The following P3H4 variants were observed in gnomAD, a reference collection of about 807,000 sequenced individuals.
P3H4 encodes the protein endoplasmic reticulum protein SC65.
Under a neutral mutation model 52.9 loss-of-function variants are expected in P3H4, and 47 were observed. The observed-to-expected ratio is 0.89, with a 90% CI of 0.70 to 1.13. P3H4 has a LOEUF of 1.13. Among genes scored for constraint, P3H4 ranks in the 50% most tolerant of loss-of-function variants. The pLI is 0.00. For synonymous variants in P3H4, 256 were observed against 267.9 expected, an observed-to-expected ratio of 0.96 and a Z score of 0.44; for missense variants, 585 against 611.0, an observed-to-expected ratio of 0.96 and a Z score of 0.45.
At chr17:41,808,085 C>A in intron 4 of P3H4, 81 bp from the exon 5 acceptor site, 1 of 1,512,068 alleles carries the variant, frequency 6.6e-7, no homozygotes, top group East Asian at 2.4e-5. Flanking sequence ...GTCCAGCACC[C>A]CTGCTACCCA....
rs782478528 is a variant in P3H4 at position 41,811,791 on chromosome 17, T to G, written c.125A>C (p.His42Pro). 1.3e-6 allele frequency: 2 copies of G among 1,536,126 alleles called. No individual in the cohort carries two copies. Among genetic ancestry groups the G allele is most frequent in the Non-Finnish European group, 1.7e-6 (2 of 1,153,030 alleles). The stretch of plus-strand genomic sequence containing the variant: ...CTCTCCCTCGTACTGCTCCAGAGCG[T>G]GCCCGTACGCCGCGGCCAGCGGCAT... The part of the protein sequence containing the change: ...DLMPLAAAYG[H>P]ALEQYEGESW... The change falls in exon 1 of 8, where the codon CAC becomes CCC. Residue 42 changes from histidine to proline, a missense_variant. Coordinates refer to ENST00000393928, the MANE Select transcript of P3H4 (RefSeq NM_006455.3). The surrounding 1 kb of genome is among the most constrained non-coding windows in gnomAD (Gnocchi z 4.8).
Position 41,803,343 on chromosome 17 carries a change from C to A in P3H4, c.1235G>T (p.Gly412Val). 1 of 1,614,126 alleles carries A rather than the reference C, an allele frequency of 6.2e-7. No homozygotes were observed. Among genetic ancestry groups the A allele is most frequent in the Non-Finnish European group, 8.5e-7 (1 of 1,180,002 alleles). ...EFEGEGDYEE[G>V]MYADWWQEPD... ...CTCCTGCCACCAGTCAGCATACATG[C>A]CCTCCTCGTAGTCACCCTCCCCCTC... Residue 412 changes from glycine to valine, a missense_variant, in exon 7 of 8, where the codon GGC (glycine) becomes GTC (valine). By Grantham distance (109) the Gly-to-Val change is moderately radical. Transcript: ENST00000393928.
At chr17:41,804,015 G>A (rs1374558198) in intron 6 of P3H4, among the ~76,000 whole-genome samples, 1 of 148,892 alleles carries the variant, frequency 6.7e-6, no homozygotes, top group Non-Finnish European at 1.5e-5. Context: ...GCAGTGGCAT[G>A]ATCTCGGCTC....
chr17:41,811,792 G>A lies in P3H4; in HGVS notation c.124C>T (p.His42Tyr). ...TCTCCCTCGTACTGCTCCAGAGCGT[G>A]CCCGTACGCCGCGGCCAGCGGCATC... ...DLMPLAAAYGHALEQYEGESW... is the reference protein window; with the variant it reads ...DLMPLAAAYGYALEQYEGESW... Residue 42 changes from histidine to tyrosine, a missense_variant, in exon 1 of 8, where the codon CAC (histidine) becomes TAC (tyrosine). By Grantham distance (83) the His-to-Tyr change is moderately conservative (BLOSUM62 2). Coordinates refer to ENST00000393928, the MANE Select transcript of P3H4 (RefSeq NM_006455.3). The surrounding 1 kb of genome is among the most constrained non-coding windows in gnomAD (Gnocchi z 4.8). The A allele has an allele frequency of 1.3e-6, 2 of 1,535,570 alleles. No homozygotes were observed. The highest frequency in any genetic ancestry group is 1.7e-6 in the Non-Finnish European group (2 of 1,152,702).
rs557056715 is a variant in P3H4, at chr17:41,811,260, C to T, written c.487G>A (p.Ala163Thr). 9.3e-6 allele frequency: 15 copies of T among 1,613,594 alleles called. No individual in the cohort carries two copies. In the African/African-American group the frequency reaches 1.5e-4, roughly 16 times the overall value. Residue 163 changes from alanine to threonine, a missense_variant, in exon 2 of 8, where the codon GCG becomes ACG. Coordinates refer to ENST00000393928, the MANE Select transcript of P3H4 (RefSeq NM_006455.3). The surrounding 1 kb of genome is among the most constrained non-coding windows in gnomAD (Gnocchi z 4.8). The part of the protein sequence containing the change: ...FKANRLEKAV[A>T]AAYTFLQRNP... ...CTCTGGAGGAAGGTGTAGGCCGCCG[C>T]CACCGCCTTCTCCAGCCGGTTAGCC...
rs2047731041 is a variant in P3H4, at chr17:41,811,237, C to G, written c.510G>C (p.Gln170His). The change falls in exon 2 of 8, where the codon CAG (glutamine) becomes CAC (histidine). Residue 170 changes from glutamine to histidine, a missense_variant. Transcript: ENST00000393928. The surrounding 1 kb of genome is among the most constrained non-coding windows in gnomAD (Gnocchi z 4.8). Reference sequence around the variant, plus strand: ...CGGTCAGCTCGTGCTTCGGGTTCCTCTGGAGGAAGGTGTAGGCCGCCGCCA... The same window carrying G: ...CGGTCAGCTCGTGCTTCGGGTTCCTGTGGAGGAAGGTGTAGGCCGCCGCCA... ...KAVAAAYTFL[Q>H]RNPKHELTAK... 1 of 1,613,882 alleles carries G rather than the reference C, an allele frequency of 6.2e-7. No homozygotes were observed. Among genetic ancestry groups the G allele is most frequent in the Non-Finnish European group, 8.5e-7 (1 of 1,180,036 alleles).
In P3H4 at chr17:41,809,738, ATGG is replaced by A. The variant is rs781982319; in HGVS notation, c.881_883del (p.Thr294del). 1.9e-6 allele frequency: 3 copies of A among 1,613,734 alleles called. No individual in the cohort carries two copies. Among genetic ancestry groups the A allele is most frequent in the Non-Finnish European group, 2.5e-6 (3 of 1,179,966 alleles). The stretch of plus-strand genomic sequence containing the variant: ...GTAGGCAAACTGCAGGTAGTGGTAC[ATGG>A]TGGCCACGAACTTGTCCACGAAGTA... On this transcript the variant is annotated inframe_deletion, in exon 4 of 8. Coordinates refer to ENST00000393928, the MANE Select transcript of P3H4 (RefSeq NM_006455.3).
At chr17:41,809,893 A>C (rs1382780110) in intron 3 of P3H4, 59 bp from the exon 4 acceptor site, 86 of 1,574,980 alleles carry the variant, frequency 5.5e-5, no homozygotes, top group Non-Finnish European at 2.6e-6. Context: ...CCGTCCCCCC[A>C]GTGGAGAAGA....
At chr17:41,810,816 G>A (rs1555614873) in intron 3 of P3H4, 47 bp downstream of exon 3, 3 of 1,575,594 alleles carry the variant, frequency 1.9e-6, no homozygotes, top group Admixed American at 1.8e-5. Flanking sequence ...GCCTTACCGG[G>A]CCCTGTGGGT....
rs1243082369 is a variant in P3H4 at position 41,811,162 on chromosome 17, G to A, written c.585C>T (p.Ser195=). ...YQGMLDVADE[S]LTDLEAQPYE... ...AGGGCTGGGCCTCTAGGTCCGTGAG[G>A]GACTCGTCGGCGACGTCCAGCATCC... The change falls in exon 2 of 8, where the codon TCC becomes TCT. Residue 195 remains serine (S), a synonymous_variant. Transcript: ENST00000393928. The surrounding 1 kb of genome is among the most constrained non-coding windows in gnomAD (Gnocchi z 4.8). 6 of 1,614,184 alleles carry A rather than the reference G, an allele frequency of 3.7e-6. No homozygotes were observed. The East Asian group carries it at 1.1e-4, about 30-fold the overall frequency.
intron 7 of P3H4, 72 bp from the exon 8 acceptor site, chr17:41,803,051 G>C: frequency 6.4e-7 from 1 of 1,560,664 alleles, no homozygotes; most frequent in Admixed American, 2.0e-5. Context: ...GTGCTGTCCT[G>C]ATGGGAGGTG....
Position 41,802,866 on chromosome 17 carries a change from A to G in P3H4, c.*91T>C. ...CGCACCTGGCCCATCTTAAGTTTTT[A>G]ATAAATAGTTCTTGCTGCTGCCCAG... On this transcript the variant is annotated 3_prime_UTR_variant, in exon 8 of 8. Coordinates refer to ENST00000393928, the MANE Select transcript of P3H4 (RefSeq NM_006455.3). 7.1e-7 allele frequency: 1 copy of G among 1,400,186 alleles called. No homozygotes were observed. Among genetic ancestry groups the G allele is most frequent in the Non-Finnish European group, 1.0e-6 (1 of 1,000,576 alleles). The allele number at this position is 1,400,186 out of a possible 1,614,324, so 86.7% of individuals were successfully genotyped here. A position where few individuals can be genotyped will look rare whatever the true frequency, so the allele number is the denominator to read the frequency against.
intron 6 of P3H4, 38 bp downstream of exon 6, chr17:41,806,758 C>T (rs2047677950): frequency 6.4e-7 from 1 of 1,566,694 alleles, no homozygotes; most frequent in African/African-American, 1.4e-5. Context: ...CAAGGTGTCC[C>T]CATCACAGCC....
chr17:41,807,902 C>T lies in P3H4; in HGVS notation c.1019G>A (p.Arg340Gln), dbSNP rs200738812. 1.2e-5 allele frequency: 20 copies of T among 1,614,110 alleles called. No homozygotes were observed. The East Asian group carries it at 1.8e-4, about 14-fold the overall frequency. ...QQNLVYYRFHRARWGLEEEDF... is the reference protein window; with the variant it reads ...QQNLVYYRFHQARWGLEEEDF... ...CTCCTCTTCCAGGCCCCAGCGAGCC[C>T]GGTGGAACCGGTAATACACCAGGTT... The change falls in exon 5 of 8, where the codon CGG becomes CAG. Residue 340 changes from arginine to glutamine, a missense_variant. Physicochemically the swap from Arg to Gln is conservative, Grantham distance 43 (BLOSUM62 1). Transcript: ENST00000393928.
intron 3 of P3H4, 85 bp downstream of exon 3, chr17:41,810,778 G>A (rs1597898688): frequency 2.0e-6 from 3 of 1,489,260 alleles, no homozygotes; most frequent in African/African-American, 1.4e-5. Flanking sequence ...CGCATTCGCA[G>A]TGCTCCACGT....
chr17:41,804,571 T>G (rs1394889701), intron 6 of P3H4, among the ~76,000 whole-genome samples: 1 of 152,010 alleles, frequency 6.6e-6, no homozygotes, highest in African/African-American at 2.4e-5. Flanking sequence ...GAAGTTGCAA[T>G]GAGCTGAGAC....
intron 3 of P3H4, 169 bp downstream of exon 3, chr17:41,810,694 G>A (rs574487909): frequency 1.4e-6 from 1 of 735,550 alleles, no homozygotes; most frequent in Admixed American, 2.9e-5. Flanking sequence ...CCAGCCCCTT[G>A]GACACTCCCA....
intron 4 of P3H4, among the ~76,000 whole-genome samples, chr17:41,808,537 G>A (rs144873553): frequency 2.7e-3 from 414 of 152,026 alleles, no homozygotes; most frequent in Non-Finnish European, 4.8e-3. Flanking sequence ...ACAGGCACGC[G>A]CCACCATGCC....
In P3H4 at chr17:41,811,900, A is replaced by C; in HGVS notation, c.16T>G (p.Trp6Gly). 6 of 1,510,454 alleles carry C rather than the reference A, an allele frequency of 4.0e-6. No homozygotes were observed. The highest frequency in any genetic ancestry group is 4.4e-6 in the Non-Finnish European group (5 of 1,138,742). 93.6% of individuals were successfully genotyped at this position (1,510,454 alleles called of 1,614,324 possible). The change falls in exon 1 of 8, where the codon TGG becomes GGG. Residue 6 changes from tryptophan to glycine, a missense_variant. By Grantham distance (184) the Trp-to-Gly change is radical. Coordinates refer to ENST00000393928, the MANE Select transcript of P3H4 (RefSeq NM_006455.3). This position sits in a 1 kb window ranked among gnomAD's most constrained non-coding sequence, Gnocchi z 4.8. The stretch of plus-strand genomic sequence containing the variant: ...CCCAGCAGCAACCACAGCAGCCCCC[A>C]CGCCACCCGAGCCATGCCCGCCGCG... Reference protein sequence around the residue: MARVAWGLLWLLLGSA... With the variant: MARVAGGLLWLLLGSA...
Sources: gnomAD v4.1 joint callset for allele counts (sites outside exome capture counted in the v4.1 genomes callset) on GRCh38, gnomAD v4.1.1 for gene constraint, Gnocchi (gnomAD v3.1) non-coding constraint, MANE v1.5 for transcripts, NCBI Gene and HGNC (gene_info 2026-07-23, HGNC 2026-07-21) for gene names.